The following SCAI variants were observed in gnomAD, a reference collection of about 807,000 sequenced individuals.
SCAI encodes suppressor of cancer cell invasion, also known as protein SCAI.
A neutral mutation model predicts 92.2 loss-of-function variants in SCAI; 24 were observed. The ratio of observed to expected loss-of-function variants is 0.26; its 90% CI spans 0.19 to 0.37. The LOEUF (loss-of-function observed/expected upper bound fraction) is 0.37, where lower values mean the gene tolerates loss of function less well. SCAI is among the 10% of genes least tolerant of loss of function. The pLI is 1.00. For missense variants in SCAI, 450 were observed against 736.2 expected, an observed-to-expected ratio of 0.61 and a Z score of 4.50; for synonymous variants, 261 against 258.6, an observed-to-expected ratio of 1.01 and a Z score of -0.09.
Position 125,000,043 on chromosome 9 carries a change from C to CTGA in SCAI, c.1145-56_1145-54dup, listed in dbSNP as rs561478166. On this transcript the variant is annotated intron_variant, in intron 12 of 17. Coordinates refer to ENST00000336505, the MANE Select transcript of SCAI (RefSeq NM_001144877.3). ...ACTTCAGTTGAAGACTAACACTGAC[C>CTGA]TGATGTTCAAATACAAAGGTACTGT... The CTGA allele has an allele frequency of 1.7e-4, 127 of 752,512 alleles. No individual in the cohort carries two copies. The African/African-American group carries it at 2.2e-3, about 13-fold the overall frequency. 46.6% of individuals were successfully genotyped at this position (752,512 alleles called of 1,614,324 possible).
chr9:124,962,543 G>A (rs1831461700), intron 17 of SCAI, among the ~76,000 whole-genome samples: 1 of 152,136 alleles, frequency 6.6e-6, no homozygotes, highest in Non-Finnish European at 1.5e-5. Context: ...CACAAAAAGT[G>A]TAAGGTTTTC....
intron 2 of SCAI, among the ~76,000 whole-genome samples, chr9:125,129,455 T>C (rs1835350726): frequency 2.8e-5 from 1 of 35,090 alleles, no homozygotes; most frequent in South Asian, 9.9e-4. Context: ...TTAGAATTTC[T>C]TTTTTTTTTT....
At chr9:125,096,472 C>T (rs1055614865) in intron 2 of SCAI, among the ~76,000 whole-genome samples, 1 of 152,172 alleles carries the variant, frequency 6.6e-6, no homozygotes, top group Non-Finnish European at 1.5e-5. Flanking sequence ...AGTATAAAGG[C>T]TCTACTTTAT....
chr9:125,004,094 T>C (rs1302295536), intron 9 of SCAI, among the ~76,000 whole-genome samples: 1 of 152,082 alleles, frequency 6.6e-6, no homozygotes, highest in Non-Finnish European at 1.5e-5. Flanking sequence ...AAGAATCGCT[T>C]GAACCCAGGA....
intron 2 of SCAI, among the ~76,000 whole-genome samples, chr9:125,126,390 GGGGTGTGTGTGTGTGT>G (rs1835275871): frequency 1.5e-5 from 2 of 129,912 alleles, no homozygotes; most frequent in African/African-American, 7.3e-5. Context: ...AAGTGAGTTG[GGGGTGTGTGTGTGTGT>G]GTGTGTGTGT....
At chr9:125,139,577 T>C (rs943078510) in intron 2 of SCAI, among the ~76,000 whole-genome samples, 5 of 152,352 alleles carry the variant, frequency 3.3e-5, no homozygotes, top group Non-Finnish European at 5.9e-5. Context: ...AGACATTTAA[T>C]AGTTCCATCA....
In SCAI at chr9:124,944,695, G is replaced by A. The variant is rs1831115394; in HGVS notation, c.*8112C>T. 6.6e-6 allele frequency: 1 copy of A among 151,866 alleles called. No individual in the cohort carries two copies. The highest frequency in any genetic ancestry group is 2.1e-4 in the South Asian group (1 of 4,822). 9.4% of individuals were successfully genotyped at this position (151,866 alleles called of 1,614,324 possible). ...GAAATAAGCTTTTTAAAAATACAGTGGTTATCCCTCTATGGTTTGGAAGTA... is the reference window on the plus strand; with the variant it reads ...GAAATAAGCTTTTTAAAAATACAGTAGTTATCCCTCTATGGTTTGGAAGTA... On this transcript the variant is annotated 3_prime_UTR_variant, in exon 18 of 18. Transcript: ENST00000336505.
intron 9 of SCAI, among the ~76,000 whole-genome samples, chr9:125,015,951 C>T (rs372196290): frequency 6.9e-6 from 1 of 144,568 alleles, no homozygotes; most frequent in African/African-American, 2.6e-5. Context: ...AACACCGCAT[C>T]TTCTCACTCA....
intron 9 of SCAI, among the ~76,000 whole-genome samples, chr9:125,004,585 T>C (rs1479232703): frequency 1.3e-5 from 2 of 150,414 alleles, no homozygotes; most frequent in African/African-American, 4.9e-5. Flanking sequence ...CACCTCAGCC[T>C]CCCAAAGTGC....
At chr9:125,058,821 T>C (rs1284151717) in intron 2 of SCAI, among the ~76,000 whole-genome samples, 2 of 152,118 alleles carry the variant, frequency 1.3e-5, no homozygotes, top group African/African-American at 4.8e-5. Flanking sequence ...GAATATCTTG[T>C]GGTAGTAAGC....
chr9:125,056,982 G>T (rs620677), intron 2 of SCAI, among the ~76,000 whole-genome samples: 1 of 152,130 alleles, frequency 6.6e-6, no homozygotes, highest in Non-Finnish European at 1.5e-5. Flanking sequence ...ATTTCATAAA[G>T]CTGCCATGTA....
At chr9:124,984,366 ATT>A (rs1381292761) in intron 14 of SCAI, among the ~76,000 whole-genome samples, 1 of 152,188 alleles carries the variant, frequency 6.6e-6, no homozygotes, top group African/African-American at 2.4e-5. Flanking sequence ...GCCATTGGTG[ATT>A]TTGAGTAGAA....
chr9:125,005,317 C>T (rs56232330), intron 9 of SCAI, among the ~76,000 whole-genome samples: 24,927 of 152,070 alleles, frequency 0.16, 2,276 homozygotes, highest in East Asian at 0.24. Context: ...CACTTTCAAA[C>T]ATTTAACTCA....
At chr9:125,043,269 C>T (rs1203256961) in intron 3 of SCAI, among the ~76,000 whole-genome samples, 1 of 152,172 alleles carries the variant, frequency 6.6e-6, no homozygotes, top group African/African-American at 2.4e-5. Flanking sequence ...TCAAAGAGCA[C>T]ACTGTCCGAC....
intron 14 of SCAI, among the ~76,000 whole-genome samples, chr9:124,981,243 TTAG>T (rs1380353229): frequency 6.6e-6 from 1 of 152,232 alleles, no homozygotes; most frequent in Non-Finnish European, 1.5e-5. Flanking sequence ...TATATTCATA[TTAG>T]TAGCTTTTCT....
At chr9:125,026,033 T>G (rs1177165291) in intron 6 of SCAI, among the ~76,000 whole-genome samples, 1 of 152,186 alleles carries the variant, frequency 6.6e-6, no homozygotes, top group East Asian at 1.9e-4. Flanking sequence ...CTCCAGAAGA[T>G]CTCTGATTTC....
intron 14 of SCAI, among the ~76,000 whole-genome samples, chr9:124,984,552 CTAAAATGGAT>C (rs1186274418): frequency 2.0e-5 from 3 of 151,966 alleles, no homozygotes; most frequent in African/African-American, 7.3e-5. Flanking sequence ...ACAGGATTTC[CTAAAATGGAT>C]GTTGGATGTG....
At chr9:125,042,615 A>ATGTGTGTGTGTG (rs150983142) in intron 3 of SCAI, among the ~76,000 whole-genome samples, 18,590 of 103,938 alleles carry the variant, frequency 0.18, 2,186 homozygotes, top group African/African-American at 0.24. Context: ...CCACCAGAGT[A>ATGTGTGTGTGTG]TGTGTGTGTG....
chr9:125,130,642 T>C (rs1835378602), intron 2 of SCAI, among the ~76,000 whole-genome samples: 1 of 151,686 alleles, frequency 6.6e-6, no homozygotes, highest in Non-Finnish European at 1.5e-5. Flanking sequence ...GCCTCCTGGG[T>C]AGCTAGGACT....
Sources: gnomAD v4.1 joint callset for allele counts (sites outside exome capture counted in the v4.1 genomes callset) on GRCh38, gnomAD v4.1.1 for gene constraint, MANE v1.5 for transcripts, NCBI Gene and HGNC (gene_info 2026-07-23, HGNC 2026-07-21) for gene names.